Variants in LRRC8B observed in about 807,000 individuals in gnomAD.
LRRC8B encodes leucine rich repeat containing 8 VRAC subunit B.
Under a neutral mutation model 58.8 loss-of-function variants are expected in LRRC8B, and 23 were observed. That is an observed-to-expected ratio of 0.39 (90% CI 0.28 to 0.55). The LOEUF is 0.55. Among genes scored for constraint, LRRC8B ranks in the 20% least tolerant of loss-of-function variants. The pLI is 0.62. For missense variants in LRRC8B, 694 were observed against 936.0 expected (o/e 0.74, Z 3.37); for synonymous variants, 359 against 374.1 (o/e 0.96, Z 0.47).
intron 1 of LRRC8B, among the ~76,000 whole-genome samples, chr1:89,544,904 A>G (rs1651287131): frequency 6.6e-6 from 1 of 152,218 alleles, no homozygotes. Context: ...AATTATAACC[A>G]TTTTATTGGA....
At position 89,582,847 on chromosome 1, in the gene LRRC8B, G is replaced by C. The variant is rs1654333281; in HGVS notation, c.197G>C (p.Cys66Ser). The C allele has an allele frequency of 2.5e-6, 4 of 1,614,044 alleles. No individual in the cohort carries two copies. Among genetic ancestry groups the C allele is most frequent in the Admixed American group, 1.7e-5 (1 of 60,002 alleles). The change falls in exon 5 of 6, where the codon TGT becomes TCT. Residue 66 changes from cysteine (C) to serine (S), a missense_variant. By Grantham distance (112) the Cys-to-Ser change is moderately radical. This residue lies in a region of LRRC8B where 316 missense variants were observed against 403.8 expected (regional missense o/e 0.78). Transcript: ENST00000330947. ...LPCKVEFDNH[C>S]AVPWDILKAS... is the part of the protein sequence containing the mutation. ...TGCAAAGTGGAATTTGACAATCACT[G>C]TGCCGTGCCTTGGGACATCCTGAAA...
intron 1 of LRRC8B, among the ~76,000 whole-genome samples, chr1:89,558,306 CAG>C (rs1652341867): frequency 6.6e-6 from 1 of 152,084 alleles, no homozygotes; most frequent in African/African-American, 2.4e-5. Context: ...GCCAATAAAA[CAG>C]AAAGCAAGAG....
chr1:89,571,599 A>T (rs573499443), intron 3 of LRRC8B, among the ~76,000 whole-genome samples: 1 of 152,264 alleles, frequency 6.6e-6, no homozygotes, highest in African/African-American at 2.4e-5. Flanking sequence ...TTGGGCTGAG[A>T]CTGTGGGGTT....
At chr1:89,549,278 G>A (rs1651638165) in intron 1 of LRRC8B, among the ~76,000 whole-genome samples, 1 of 152,176 alleles carries the variant, frequency 6.6e-6, no homozygotes, top group African/African-American at 2.4e-5. Flanking sequence ...AGCAAAGAGA[G>A]GAGATTGGTA....
At chr1:89,534,074 T>G (rs948105671) in intron 1 of LRRC8B, among the ~76,000 whole-genome samples, 1 of 152,232 alleles carries the variant, frequency 6.6e-6, no homozygotes, top group African/African-American at 2.4e-5. Context: ...GGCTTTCTAT[T>G]AGAAGTCAAA....
chr1:89,556,761 T>C (rs1303546225), intron 1 of LRRC8B, among the ~76,000 whole-genome samples: 2 of 152,190 alleles, frequency 1.3e-5, no homozygotes, highest in Non-Finnish European at 2.9e-5. Flanking sequence ...GTTACAAATA[T>C]GAAGCATTAA....
chr1:89,559,189 G>A (rs1281390126), intron 1 of LRRC8B, among the ~76,000 whole-genome samples: 1 of 152,082 alleles, frequency 6.6e-6, no homozygotes, highest in Non-Finnish European at 1.5e-5. Context: ...TATACACAGA[G>A]GTGGCGGATG....
chr1:89,527,112 T>G (rs187330854), intron 1 of LRRC8B: 75 of 152,368 alleles, frequency 4.9e-4, no homozygotes, highest in Admixed American at 4.3e-3. Flanking sequence ...TTTCTGAAGT[T>G]TAAGGGGAAA....
At chr1:89,565,363 G>C (rs2100985683) in intron 1 of LRRC8B, among the ~76,000 whole-genome samples, 1 of 149,166 alleles carries the variant, frequency 6.7e-6, no homozygotes, top group Non-Finnish European at 1.5e-5. Flanking sequence ...GTCCAACACT[G>C]ATTCAAAATG....
intron 1 of LRRC8B, among the ~76,000 whole-genome samples, chr1:89,542,453 T>G (rs1651080575): frequency 6.6e-6 from 1 of 152,242 alleles, no homozygotes; most frequent in African/African-American, 2.4e-5. Flanking sequence ...TTTATTTTGT[T>G]GCTTCTCCAG....
At chr1:89,543,907 C>T (rs531460677) in intron 1 of LRRC8B, among the ~76,000 whole-genome samples, 65 of 152,258 alleles carry the variant, frequency 4.3e-4, no homozygotes, top group African/African-American at 1.5e-3. Flanking sequence ...CCTGCCTCAG[C>T]TTCCTGAGTA....
At chr1:89,575,744 G>C (rs1205617071) in intron 3 of LRRC8B, among the ~76,000 whole-genome samples, 1 of 152,058 alleles carries the variant, frequency 6.6e-6, no homozygotes, top group East Asian at 1.9e-4. Context: ...CCATGTGCTG[G>C]AAACTATGTA....
Position 89,582,803 on chromosome 1 carries a change from G to A in LRRC8B, c.153G>A (p.Arg51=). The A allele has an allele frequency of 6.2e-7, 1 of 1,614,104 alleles. No individual in the cohort carries two copies. Among genetic ancestry groups the A allele is most frequent in the Non-Finnish European group, 8.5e-7 (1 of 1,180,032 alleles). ...LAGALQLTQS[R]VLCCLPCKVE... ...GAGCTCTCCAGCTGACGCAGAGCAGGGTTCTGTGCTGTCTTCCATGCAAAG... is the reference window on the plus strand; with the variant it reads ...GAGCTCTCCAGCTGACGCAGAGCAGAGTTCTGTGCTGTCTTCCATGCAAAG... The change falls in exon 5 of 6, where the codon AGG becomes AGA. Residue 51 remains arginine (R), a synonymous_variant. Coordinates refer to ENST00000330947, the MANE Select transcript of LRRC8B (RefSeq NM_001369817.2).
intron 3 of LRRC8B, among the ~76,000 whole-genome samples, chr1:89,573,866 G>A (rs1343790835): frequency 6.6e-6 from 1 of 152,170 alleles, no homozygotes. Context: ...GGCTGCTAAG[G>A]CCTAGCAACT....
rs567433308 is a variant in LRRC8B, at chr1:89,596,728, A to G, written c.*3685A>G. ...CACTAAATTTGATCAGCAATTGTACAGTAACAGAATATATTTGTGCCAGAA... is the reference window on the plus strand; with the variant it reads ...CACTAAATTTGATCAGCAATTGTACGGTAACAGAATATATTTGTGCCAGAA... On this transcript the variant is annotated 3_prime_UTR_variant, in exon 6 of 6. Coordinates refer to ENST00000330947, the MANE Select transcript of LRRC8B (RefSeq NM_001369817.2). 1 of 152,300 alleles carries G rather than the reference A, an allele frequency of 6.6e-6. No individual in the cohort carries two copies. Among genetic ancestry groups the G allele is most frequent in the South Asian group, 2.1e-4 (1 of 4,834 alleles). 9.4% of individuals were successfully genotyped at this position (152,300 alleles called of 1,614,324 possible). A position where few individuals can be genotyped will look rare whatever the true frequency, so the allele number is the denominator to read the frequency against.
chr1:89,545,167 T>C (rs1239246632), intron 1 of LRRC8B, among the ~76,000 whole-genome samples: 1 of 152,184 alleles, frequency 6.6e-6, no homozygotes, highest in Non-Finnish European at 1.5e-5. Context: ...TCACATTCCC[T>C]TTTTTCCTGT....
At chr1:89,570,211 A>T (rs79371081) in intron 3 of LRRC8B, among the ~76,000 whole-genome samples, 1 of 152,138 alleles carries the variant, frequency 6.6e-6, no homozygotes, top group Non-Finnish European at 1.5e-5. Flanking sequence ...TAATAAAATG[A>T]TTTATATGCC....
At chr1:89,528,811 AAGG>A (rs1649892416) in intron 1 of LRRC8B, among the ~76,000 whole-genome samples, 1 of 152,216 alleles carries the variant, frequency 6.6e-6, no homozygotes, top group South Asian at 2.1e-4. Context: ...AAGTAGCAGA[AAGG>A]AGGAAAGAAG....
At chr1:89,564,929 T>G (rs1413894798) in intron 1 of LRRC8B, among the ~76,000 whole-genome samples, 1 of 152,232 alleles carries the variant, frequency 6.6e-6, no homozygotes, top group Non-Finnish European at 1.5e-5. Flanking sequence ...TGATTTGCAG[T>G]GCATGACAAT....
Sources: allele counts gnomAD v4.1 joint callset (sites outside exome capture counted in the v4.1 genomes callset), GRCh38; gene constraint gnomAD v4.1.1; regional missense constraint gnomAD v4.1.1; transcripts MANE v1.5; gene names NCBI Gene and HGNC (gene_info 2026-07-23, HGNC 2026-07-21).